ARPC1B: variants seen among roughly 807,000 people sequenced by gnomAD.
ARPC1B encodes the protein actin related protein 2/3 complex subunit 1B.
ARPC1B carries 29 observed loss-of-function variants against 46.0 expected under a neutral mutation model. The ratio of observed to expected loss-of-function variants is 0.63; its 90% CI spans 0.47 to 0.86. The LOEUF is 0.86. ARPC1B is among the 40% of genes least tolerant of loss of function. The pLI is 0.00. For missense variants in ARPC1B, 469 were observed against 529.4 expected, an observed-to-expected ratio of 0.89 and a Z score of 1.12; for synonymous variants, 201 against 213.9, an observed-to-expected ratio of 0.94 and a Z score of 0.53.
At chr7:99,391,852 GA>G (rs1794581304) in intron 7 of ARPC1B, among the ~76,000 whole-genome samples, 1 of 151,262 alleles carries the variant, frequency 6.6e-6, no homozygotes, top group Non-Finnish European at 1.5e-5. Context: ...AGGGGTTCAA[GA>G]CCAACCTGGC....
intron 1 of ARPC1B, among the ~76,000 whole-genome samples, chr7:99,379,257 G>C (rs1316611801): frequency 6.6e-6 from 1 of 152,116 alleles, no homozygotes; most frequent in Non-Finnish European, 1.5e-5. Flanking sequence ...ATGACTAACC[G>C]GTGCTTTAAT....
chr7:99,390,188 T>A (rs1413192374), intron 5 of ARPC1B, among the ~76,000 whole-genome samples, 176 bp downstream of exon 5: 1 of 152,204 alleles, frequency 6.6e-6, no homozygotes, highest in Non-Finnish European at 1.5e-5. Context: ...ACCCTTCATG[T>A]CTCAGCTGGA....
intron 2 of ARPC1B, 102 bp from the exon 3 acceptor site, chr7:99,386,583 C>T: frequency 1.1e-6 from 1 of 942,310 alleles, no homozygotes. Flanking sequence ...GAGACTGAGT[C>T]ATGAAAGGTG....
chr7:99,393,907 C>T lies in ARPC1B; in HGVS notation c.990-122C>T, dbSNP rs1197718600. 9 of 930,772 alleles carry T rather than the reference C, an allele frequency of 9.7e-6. No homozygotes were observed. The Admixed American group carries it at 1.6e-4, about 17-fold the overall frequency. 57.7% of individuals were successfully genotyped at this position (930,772 alleles called of 1,614,324 possible). A position where few individuals can be genotyped will look rare whatever the true frequency, so the allele number is the denominator to read the frequency against. ...GAACTGACTTCTAAGCCCACTACAC[C>T]CCCTCGGTACTTCTCACTAAAGCCC... is the stretch of plus-strand genomic sequence containing the variant. On this transcript the variant is annotated intron_variant, in intron 8 of 9. Transcript: ENST00000646101.
chr7:99,388,337 A>C, intron 4 of ARPC1B, 76 bp downstream of exon 4: 4 of 1,425,466 alleles, frequency 2.8e-6, no homozygotes, highest in Non-Finnish European at 3.9e-6. Flanking sequence ...GAAGCACCAA[A>C]TGGGATGTCA....
rs555755857 is a variant in ARPC1B at position 99,389,670 on chromosome 7, T to G, written c.393-235T>G. ...CACTTTGCTGAGCCTGCTCTGAGGG[T>G]GACTGTGTGGCCTAAAGGATAGAGG... On this transcript the variant is annotated intron_variant, in intron 4 of 9. Transcript: ENST00000646101. 1.0e-5 allele frequency: 5 copies of G among 500,052 alleles called. No homozygotes were observed. In the Admixed American group the frequency reaches 1.4e-4, roughly 14 times the overall value. 31.0% of individuals were successfully genotyped at this position (500,052 alleles called of 1,614,324 possible).
intron 2 of ARPC1B, 51 bp downstream of exon 2, chr7:99,385,829 GGGACCAGCCAGAGCACACATGGGGACTCT>G (rs755372760): frequency 1.3e-6 from 2 of 1,555,876 alleles, no homozygotes; most frequent in Admixed American, 1.9e-5. Flanking sequence ...TCCTGGGATG[GGGACCAGCCAGAGCACACATGGGGACTCT>G]GGAGCAGCCA....
intron 1 of ARPC1B, among the ~76,000 whole-genome samples, chr7:99,375,836 C>T (rs748567073): frequency 7.2e-5 from 11 of 152,094 alleles, no homozygotes; most frequent in African/African-American, 2.2e-4. Context: ...TCGAGGTGGA[C>T]GGATCACTTG....
At chr7:99,385,309 G>C (rs1038402868) in intron 1 of ARPC1B, among the ~76,000 whole-genome samples, 19 of 102,204 alleles carry the variant, frequency 1.9e-4, no homozygotes, top group African/African-American at 1.8e-3. Context: ...GTTGGGTGGG[G>C]GGGGGGGGGT....
At chr7:99,390,700 A>C (rs1794544511) in intron 5 of ARPC1B, among the ~76,000 whole-genome samples, 193 bp from the exon 6 acceptor site, 1 of 151,180 alleles carries the variant, frequency 6.6e-6, no homozygotes, top group Non-Finnish European at 1.5e-5. Context: ...CCTTTAAAAA[A>C]AATTTTTTTT....
chr7:99,386,936 T>C, intron 3 of ARPC1B, 147 bp downstream of exon 3: 3 of 659,808 alleles, frequency 4.5e-6, no homozygotes, highest in South Asian at 1.8e-5. Flanking sequence ...TTAAGGGGAC[T>C]GTGTTGGCTC....
chr7:99,387,465 C>T (rs1004136727), intron 3 of ARPC1B, among the ~76,000 whole-genome samples: 6 of 151,790 alleles, frequency 4.0e-5, no homozygotes, highest in East Asian at 2.0e-4. Context: ...AGGCCGGGTG[C>T]GGTGGCTTGC....
At chr7:99,382,842 CTTTT>C (rs756346040) in intron 1 of ARPC1B, among the ~76,000 whole-genome samples, 1 of 119,244 alleles carries the variant, frequency 8.4e-6, no homozygotes, top group Admixed American at 8.9e-5. Flanking sequence ...CATTCCTAAC[CTTTT>C]TTTTTTTTTT....
chr7:99,393,801 C>T (rs1250349351), intron 8 of ARPC1B, among the ~76,000 whole-genome samples: 6 of 152,194 alleles, frequency 3.9e-5, no homozygotes, highest in Admixed American at 3.9e-4. Flanking sequence ...ACTCCGCAGA[C>T]ACACGTGTCT....
At chr7:99,375,974 A>G (rs1431374102) in intron 1 of ARPC1B, among the ~76,000 whole-genome samples, 1 of 150,464 alleles carries the variant, frequency 6.6e-6, no homozygotes, top group Admixed American at 6.7e-5. Context: ...AGGCAGGAGA[A>G]TTGCTTGAAC....
intron 1 of ARPC1B, among the ~76,000 whole-genome samples, chr7:99,380,261 T>C (rs1306582005): frequency 1.3e-5 from 2 of 152,172 alleles, no homozygotes; most frequent in African/African-American, 2.4e-5. Context: ...TGTGGCAGCA[T>C]TGGCTGAGAG....
chr7:99,385,876 G>C, intron 2 of ARPC1B, 98 bp downstream of exon 2: 1 of 1,265,620 alleles, frequency 7.9e-7, no homozygotes, highest in Non-Finnish European at 1.1e-6. Flanking sequence ...CCAGGCCCCC[G>C]GACCATGGGC....
chr7:99,381,547 CG>C (rs1187082622), intron 1 of ARPC1B, among the ~76,000 whole-genome samples: 6 of 152,120 alleles, frequency 3.9e-5, no homozygotes, highest in Admixed American at 1.3e-4. Flanking sequence ...GGGGACCCAC[CG>C]GGGTCCTGTT....
Position 99,388,181 on chromosome 7 carries a change from G to C in ARPC1B, c.312G>C (p.Trp104Cys), listed in dbSNP as rs1247351636. 2 of 1,614,248 alleles carry C rather than the reference G, an allele frequency of 1.2e-6. No homozygotes were observed. Among genetic ancestry groups the C allele is most frequent in the Non-Finnish European group, 1.7e-6 (2 of 1,180,038 alleles). Residue 104 changes from tryptophan (W) to cysteine (C), a missense_variant, in exon 4 of 10, where the codon TGG becomes TGC. By Grantham distance (215) the Trp-to-Cys change is radical. Transcript: ENST00000646101. ...ACCGGGCTGCCCGCTGCGTGCGCTG[G>C]GCCCCCAACGAGAACAAGTTTGCTG... ...RINRAARCVR[W>C]APNENKFAVG...
Sources: allele counts gnomAD v4.1 joint callset (sites outside exome capture counted in the v4.1 genomes callset), GRCh38; gene constraint gnomAD v4.1.1; transcripts MANE v1.5; gene names NCBI Gene and HGNC (gene_info 2026-07-23, HGNC 2026-07-21).